The following RCBTB1 variants were observed in gnomAD, a reference collection of about 807,000 sequenced individuals.
RCBTB1 encodes RCC1 and BTB domain-containing protein 1.
A neutral mutation model predicts 62.4 loss-of-function variants in RCBTB1; 46 were observed. The observed-to-expected ratio is 0.74, with a 90% CI of 0.58 to 0.94. RCBTB1 has a LOEUF of 0.94. Among genes scored for constraint, RCBTB1 ranks in the 40% least tolerant of loss-of-function variants. The pLI is 0.00. For synonymous variants in RCBTB1, 222 were observed against 245.8 expected, an observed-to-expected ratio of 0.90 and a Z score of 0.91; for missense variants, 565 against 654.9, an observed-to-expected ratio of 0.86 and a Z score of 1.50.
chr13:49,541,009 A>G lies in RCBTB1; in HGVS notation c.1325-3T>C, dbSNP rs57650425. ...AGATGTCGCCAAATCCAGAAGACCT[A>G]AAAGTAAAATATGTGAAAGGTTTAA... On this transcript the variant is annotated splice_polypyrimidine_tract_variant and splice_region_variant and intron_variant, in intron 11 of 12. Coordinates refer to ENST00000378302, the MANE Select transcript of RCBTB1 (RefSeq NM_018191.4). 6.2e-7 allele frequency: 1 copy of G among 1,609,504 alleles called. No homozygotes were observed. The highest frequency in any genetic ancestry group is 8.5e-7 in the Non-Finnish European group (1 of 1,179,322).
At chr13:49,563,780 C>T (rs1348257997) in intron 4 of RCBTB1, among the ~76,000 whole-genome samples, 1 of 152,238 alleles carries the variant, frequency 6.6e-6, no homozygotes. Flanking sequence ...TGATGATGCT[C>T]AGATTTGGAT....
chr13:49,583,948 TC>T (rs1235303054), intron 1 of RCBTB1, among the ~76,000 whole-genome samples: 1 of 152,208 alleles, frequency 6.6e-6, no homozygotes, highest in Admixed American at 6.5e-5. Context: ...CAGCCTCCTT[TC>T]CTATGCATGA....
chr13:49,585,003 G>C (rs1964313319), intron 1 of RCBTB1, among the ~76,000 whole-genome samples: 1 of 152,156 alleles, frequency 6.6e-6, no homozygotes, highest in Non-Finnish European at 1.5e-5. Context: ...TAAAGAATAC[G>C]GTTTGTGACA....
intron 12 of RCBTB1, among the ~76,000 whole-genome samples, chr13:49,535,880 A>C (rs1440430575): frequency 6.6e-6 from 1 of 151,972 alleles, no homozygotes; most frequent in Middle Eastern, 3.2e-3. Flanking sequence ...AAAATTAGCC[A>C]GGTGTGGTGG....
rs767816377 is a variant in RCBTB1 at position 49,555,541 on chromosome 13, A to C, written c.577T>G (p.Ser193Ala). The C allele has an allele frequency of 9.3e-6, 15 of 1,613,950 alleles. No homozygotes were observed. Among genetic ancestry groups the C allele is most frequent in the Non-Finnish European group, 1.3e-5 (15 of 1,179,920 alleles). The change falls in exon 6 of 13, where the codon TCC becomes GCC. Residue 193 changes from serine to alanine, a missense_variant. By Grantham distance (99) the Ser-to-Ala change is moderately conservative. Coordinates refer to ENST00000378302, the MANE Select transcript of RCBTB1 (RefSeq NM_018191.4). ...VVGIACGQTSSMAVLDNGEVY... is the reference protein window; with the variant it reads ...VVGIACGQTSAMAVLDNGEVY... Reference sequence around the variant, plus strand: ...TCGCCATTGTCCAGAACAGCCATGGATGAAGTCTGACCACAGGCAATGCCA... The same window carrying C: ...TCGCCATTGTCCAGAACAGCCATGGCTGAAGTCTGACCACAGGCAATGCCA...
intron 10 of RCBTB1, among the ~76,000 whole-genome samples, chr13:49,542,586 A>ATAT (rs1400398084): frequency 3.3e-5 from 5 of 151,604 alleles, no homozygotes; most frequent in African/African-American, 1.2e-4. Context: ...TTTGTTTTAC[A>ATAT]TAATAAGCAT....
chr13:49,565,038 C>A (rs1466509339), intron 4 of RCBTB1, among the ~76,000 whole-genome samples: 1 of 152,228 alleles, frequency 6.6e-6, no homozygotes, highest in Non-Finnish European at 1.5e-5. Flanking sequence ...CTCTCCCTCT[C>A]TTTCCACGGT....
chr13:49,570,988 T>A (rs1963358497), intron 2 of RCBTB1, among the ~76,000 whole-genome samples: 1 of 152,162 alleles, frequency 6.6e-6, no homozygotes, highest in Non-Finnish European at 1.5e-5. Flanking sequence ...TAAAGTCACT[T>A]CTTTCTGACT....
At chr13:49,544,898 T>G (rs1411832000) in intron 9 of RCBTB1, 35 bp from the exon 10 acceptor site, 1 of 1,577,380 alleles carries the variant, frequency 6.3e-7, no homozygotes, top group Admixed American at 1.8e-5. Flanking sequence ...TATGGCAAGT[T>G]CAAGGAACAG....
At chr13:49,553,196 A>G (rs1469543068) in intron 6 of RCBTB1, among the ~76,000 whole-genome samples, 1 of 152,202 alleles carries the variant, frequency 6.6e-6, no homozygotes, top group African/African-American at 2.4e-5. Flanking sequence ...GAAAGGCAAG[A>G]GCTCAGAGGG....
intron 12 of RCBTB1, 53 bp from the exon 13 acceptor site, chr13:49,534,315 T>C (rs1757773838): frequency 1.9e-6 from 3 of 1,569,420 alleles, no homozygotes; most frequent in Admixed American, 1.7e-5. Flanking sequence ...GCAACTTTGA[T>C]TGAATTACTT....
At chr13:49,540,226 C>G (rs1960241353) in intron 12 of RCBTB1, among the ~76,000 whole-genome samples, 1 of 152,158 alleles carries the variant, frequency 6.6e-6, no homozygotes, top group Non-Finnish European at 1.5e-5. Flanking sequence ...ATAGGGTATA[C>G]AGACGAATGA....
intron 8 of RCBTB1, 172 bp downstream of exon 8, chr13:49,551,154 C>CGGG: frequency 1.9e-6 from 1 of 539,630 alleles, no homozygotes; most frequent in South Asian, 2.6e-5. Flanking sequence ...AAGGGGGAAG[C>CGGG]AGGGAGGGAG....
intron 4 of RCBTB1, among the ~76,000 whole-genome samples, chr13:49,564,998 C>G (rs888225185): frequency 6.6e-6 from 1 of 152,142 alleles, no homozygotes; most frequent in Admixed American, 6.5e-5. Flanking sequence ...GCAGCTGTCC[C>G]GCTCCCGCTC....
intron 2 of RCBTB1, among the ~76,000 whole-genome samples, chr13:49,570,931 C>T (rs771339214): frequency 6.6e-5 from 10 of 152,198 alleles, no homozygotes; most frequent in East Asian, 1.9e-4. Context: ...AATATCAGTC[C>T]TGGCCCTTGA....
At chr13:49,537,281 T>C (rs1960012270) in intron 12 of RCBTB1, among the ~76,000 whole-genome samples, 1 of 152,234 alleles carries the variant, frequency 6.6e-6, no homozygotes, top group Non-Finnish European at 1.5e-5. Context: ...GCACATCAAG[T>C]ACAAAATATT....
In RCBTB1 at chr13:49,566,784, T is replaced by G; in HGVS notation, c.127-16A>C. The stretch of plus-strand genomic sequence containing the variant: ...ATACAAAGACCTAGAAAATAGATAG[T>G]TTTTTTTCTGAGTCTTTTGACCGAA... On this transcript the variant is annotated splice_polypyrimidine_tract_variant and intron_variant, in intron 3 of 12. Coordinates refer to ENST00000378302, the MANE Select transcript of RCBTB1 (RefSeq NM_018191.4). 1 of 1,587,222 alleles carries G rather than the reference T, an allele frequency of 6.3e-7. No homozygotes were observed. Among genetic ancestry groups the G allele is most frequent in the South Asian group, 1.2e-5 (1 of 85,714 alleles).
intron 4 of RCBTB1, among the ~76,000 whole-genome samples, chr13:49,562,327 A>T (rs917459942): frequency 4.6e-5 from 7 of 151,832 alleles, no homozygotes; most frequent in East Asian, 2.0e-4. Flanking sequence ...GAACATTTTT[A>T]AAAAATCATG....
intron 4 of RCBTB1, 143 bp from the exon 5 acceptor site, chr13:49,560,227 A>G (rs2139233579): frequency 1.3e-6 from 1 of 767,886 alleles, no homozygotes. Flanking sequence ...AACCATGGAC[A>G]GAGTAAAGGA....
Sources: allele counts gnomAD v4.1 joint callset (sites outside exome capture counted in the v4.1 genomes callset), GRCh38; gene constraint gnomAD v4.1.1; transcripts MANE v1.5; gene names NCBI Gene and HGNC (gene_info 2026-07-23, HGNC 2026-07-21).